The following KCNB2 variants were observed in gnomAD, a reference collection of about 807,000 sequenced individuals.
The protein encoded by KCNB2 is potassium voltage-gated channel subfamily B member 2.
A neutral mutation model predicts 61.5 loss-of-function variants in KCNB2; 15 were observed. The observed-to-expected ratio is 0.24, with a 90% CI of 0.16 to 0.38. The LOEUF is 0.38. Among genes scored for constraint, KCNB2 ranks in the 10% least tolerant of loss-of-function variants. The pLI, the probability that KCNB2 is intolerant of heterozygous loss-of-function variation, is 1.00. For synonymous variants in KCNB2, 457 were observed against 446.0 expected (o/e 1.02, Z -0.31); for missense variants, 828 against 1,125.2 (o/e 0.74, Z 3.78).
chr8:72,791,411 T>C (rs1808940831), intron 2 of KCNB2, among the ~76,000 whole-genome samples: 1 of 152,000 alleles, frequency 6.6e-6, no homozygotes, highest in Admixed American at 6.6e-5. Flanking sequence ...TAGCCAAGCA[T>C]GGTGATGCAT....
intron 1 of KCNB2, among the ~76,000 whole-genome samples, chr8:72,552,039 A>G (rs1440718609): frequency 6.6e-6 from 1 of 152,122 alleles, no homozygotes; most frequent in Non-Finnish European, 1.5e-5. Context: ...GCGCCAAACC[A>G]TGACCGTGCA....
At chr8:72,581,170 C>T (rs2128980386) in intron 2 of KCNB2, among the ~76,000 whole-genome samples, 2 of 152,202 alleles carry the variant, frequency 1.3e-5, no homozygotes, top group Non-Finnish European at 2.9e-5. Context: ...CTAGTTTGCT[C>T]AAATGTGCCT....
chr8:72,623,447 A>C (rs774608972), intron 2 of KCNB2, among the ~76,000 whole-genome samples: 1 of 152,240 alleles, frequency 6.6e-6, no homozygotes, highest in African/African-American at 2.4e-5. Flanking sequence ...AGTGTCACTT[A>C]TTGAAAAGCA....
At position 72,890,997 on chromosome 8, in the gene KCNB2, G is replaced by A. The variant is rs186796105; in HGVS notation, c.580-44938G>A. ...TGAGAACCTCAACACAAACCCCATC[G>A]TCCTTAGAACCAGTAAAGTTACATA... On this transcript the variant is annotated intron_variant, in intron 2 of 2. Transcript: ENST00000523207. Among the ~76,000 whole-genome samples the A allele has an allele frequency of 3.6e-3, 549 of 152,204 alleles. 4 individuals are homozygous for A. The highest frequency in any genetic ancestry group is 0.024 in the Middle Eastern group (7 of 294).
intron 2 of KCNB2, among the ~76,000 whole-genome samples, chr8:72,589,558 A>G (rs1485654727): frequency 6.6e-6 from 1 of 152,184 alleles, no homozygotes; most frequent in Non-Finnish European, 1.5e-5. Context: ...ACTTCCTGCC[A>G]TGCTTACAGC....
At chr8:72,861,231 A>G (rs947812323) in intron 2 of KCNB2, among the ~76,000 whole-genome samples, 6 of 152,330 alleles carry the variant, frequency 3.9e-5, no homozygotes, top group African/African-American at 7.2e-5. Flanking sequence ...AATGTCCCCA[A>G]TGGAAAGAAA....
chr8:72,717,798 C>A (rs1468116423), intron 2 of KCNB2, among the ~76,000 whole-genome samples: 10 of 152,074 alleles, frequency 6.6e-5, no homozygotes, highest in Non-Finnish European at 1.5e-4. Flanking sequence ...GCAACAAAAG[C>A]CAAAATTGAC....
At chr8:72,890,267 A>C (rs1371296770) in intron 2 of KCNB2, among the ~76,000 whole-genome samples, 1 of 152,210 alleles carries the variant, frequency 6.6e-6, no homozygotes, top group African/African-American at 2.4e-5. Context: ...AAAGATGAAA[A>C]GACATGCACT....
At chr8:72,809,598 G>A (rs964795755) in intron 2 of KCNB2, among the ~76,000 whole-genome samples, 2 of 152,038 alleles carry the variant, frequency 1.3e-5, no homozygotes, top group East Asian at 3.9e-4. Flanking sequence ...TCTTTAAAAC[G>A]AATCCATAGT....
chr8:72,869,943 A>C (rs892751352), intron 2 of KCNB2, among the ~76,000 whole-genome samples: 1 of 152,228 alleles, frequency 6.6e-6, no homozygotes, highest in African/African-American at 2.4e-5. Context: ...AACCACCTAA[A>C]TGTCCAGCAG....
chr8:72,577,648 C>T (rs969533548), intron 2 of KCNB2, among the ~76,000 whole-genome samples: 1 of 152,194 alleles, frequency 6.6e-6, no homozygotes, highest in African/African-American at 2.4e-5. Flanking sequence ...CACGCTTTAA[C>T]TTCTCTCTCA....
chr8:72,684,250 A>G (rs2128989390), intron 2 of KCNB2, among the ~76,000 whole-genome samples: 1 of 152,350 alleles, frequency 6.6e-6, no homozygotes, highest in East Asian at 1.9e-4. Flanking sequence ...CACTAATAGA[A>G]GAAATACAAA....
intron 2 of KCNB2, among the ~76,000 whole-genome samples, chr8:72,834,393 G>T (rs1219938129): frequency 6.6e-6 from 1 of 152,150 alleles, no homozygotes; most frequent in South Asian, 2.1e-4. Context: ...AATAGCTGAA[G>T]CAGACAGGGC....
chr8:72,610,581 G>T (rs1805521462), intron 2 of KCNB2, among the ~76,000 whole-genome samples: 1 of 152,096 alleles, frequency 6.6e-6, no homozygotes, highest in South Asian at 2.1e-4. Context: ...CAAAAAAATA[G>T]ATAGCACTTT....
chr8:72,706,011 T>A (rs983152419), intron 2 of KCNB2, among the ~76,000 whole-genome samples: 1 of 152,152 alleles, frequency 6.6e-6, no homozygotes, highest in African/African-American at 2.4e-5. Context: ...CATTCCTAGA[T>A]CTGAGGCTCC....
intron 2 of KCNB2, among the ~76,000 whole-genome samples, chr8:72,883,587 T>C (rs1255747981): frequency 1.3e-5 from 2 of 152,208 alleles, no homozygotes; most frequent in Non-Finnish European, 2.9e-5. Context: ...GCCATATGGC[T>C]CTAGGTTGTT....
intron 2 of KCNB2, among the ~76,000 whole-genome samples, chr8:72,595,576 G>A (rs887474173): frequency 1.3e-5 from 2 of 151,906 alleles, no homozygotes; most frequent in Admixed American, 6.6e-5. Context: ...CGCCCACGTC[G>A]GCCTCCCAAA....
chr8:72,790,963 T>C (rs1808931784), intron 2 of KCNB2, among the ~76,000 whole-genome samples: 1 of 152,188 alleles, frequency 6.6e-6, no homozygotes. Flanking sequence ...TACTGTATGA[T>C]GAGAATGAAG....
chr8:72,692,959 T>G (rs1158445320), intron 2 of KCNB2, among the ~76,000 whole-genome samples: 1 of 151,988 alleles, frequency 6.6e-6, no homozygotes, highest in Non-Finnish European at 1.5e-5. Flanking sequence ...TCTCATGAGT[T>G]TTGTTTTGTT....
Sources: gnomAD v4.1 joint callset for allele counts (sites outside exome capture counted in the v4.1 genomes callset) on GRCh38, gnomAD v4.1.1 for gene constraint, MANE v1.5 for transcripts, NCBI Gene and HGNC (gene_info 2026-07-23, HGNC 2026-07-21) for gene names.